The following PPP1R12B variants were observed in gnomAD, a reference collection of about 807,000 sequenced individuals.
PPP1R12B encodes the protein myosin phosphatase target subunit 2.
PPP1R12B carries 76 observed loss-of-function variants against 126.1 expected under a neutral mutation model. The observed-to-expected ratio is 0.60, with a 90% CI of 0.50 to 0.73. The LOEUF is 0.73. Ranked by LOEUF, PPP1R12B falls within the 30% of genes least tolerant of loss-of-function variation. PPP1R12B has a pLI of 0.00. For synonymous variants in PPP1R12B, 356 were observed against 434.7 expected (o/e 0.82, Z 2.25); for missense variants, 1,052 against 1,205.1 (o/e 0.87, Z 1.88).
At chr1:202,382,768 C>T (rs973950080) in intron 1 of PPP1R12B, among the ~76,000 whole-genome samples, 2 of 151,116 alleles carry the variant, frequency 1.3e-5, no homozygotes, top group African/African-American at 4.9e-5. Context: ...CCTAGCTGCT[C>T]GGGAGGCTGA....
chr1:202,359,408 C>T (rs1392753801), intron 1 of PPP1R12B, among the ~76,000 whole-genome samples: 2 of 152,004 alleles, frequency 1.3e-5, no homozygotes, highest in Non-Finnish European at 2.9e-5. Context: ...TTTGGGATTA[C>T]AGTCATGAGC....
At chr1:202,555,324 T>TAAAAA (rs1686776254) in intron 18 of PPP1R12B, among the ~76,000 whole-genome samples, 2 of 5,008 alleles carry the variant, frequency 4.0e-4, no homozygotes, top group African/African-American at 5.2e-4. Context: ...CCTGTTTTAA[T>TAAAAA]GAAAAAAAAA....
chr1:202,531,336 A>T (rs993022844), intron 18 of PPP1R12B, among the ~76,000 whole-genome samples: 16 of 152,308 alleles, frequency 1.1e-4, no homozygotes, highest in African/African-American at 3.6e-4. Context: ...TTAGTATGAG[A>T]TCAAAAATTA....
At chr1:202,429,377 A>G (rs1257496408) in intron 6 of PPP1R12B, among the ~76,000 whole-genome samples, 6 of 152,362 alleles carry the variant, frequency 3.9e-5, no homozygotes, top group African/African-American at 1.4e-4. Context: ...AATACACATA[A>G]TACTAAAACT....
chr1:202,509,443 A>T (rs1681185216), intron 18 of PPP1R12B, among the ~76,000 whole-genome samples: 1 of 152,212 alleles, frequency 6.6e-6, no homozygotes, highest in African/African-American at 2.4e-5. Context: ...TGGTTCTCCT[A>T]GCGTGTCCCT....
At chr1:202,452,230 A>T (rs1673074562) in intron 13 of PPP1R12B, among the ~76,000 whole-genome samples, 1 of 152,118 alleles carries the variant, frequency 6.6e-6, no homozygotes, top group Non-Finnish European at 1.5e-5. Flanking sequence ...GCGAGCCGAG[A>T]TCACGCCACT....
At chr1:202,432,347 C>A (rs531840511) in intron 8 of PPP1R12B, among the ~76,000 whole-genome samples, 73 of 151,980 alleles carry the variant, frequency 4.8e-4, no homozygotes, top group African/African-American at 1.6e-3. Flanking sequence ...CAGCTTACTG[C>A]AACCTCCGCC....
chr1:202,431,248 GTTC>G (rs1420102329), intron 7 of PPP1R12B, among the ~76,000 whole-genome samples: 1 of 152,210 alleles, frequency 6.6e-6, no homozygotes, highest in African/African-American at 2.4e-5. Context: ...AAAATTCATA[GTTC>G]TTCTTTTTTC....
At chr1:202,527,311 A>C (rs577995217) in intron 18 of PPP1R12B, 1 of 152,204 alleles carries the variant, frequency 6.6e-6, no homozygotes, top group African/African-American at 2.4e-5. Context: ...GGGAGAGAGA[A>C]GAGTCTTCAA....
intron 21 of PPP1R12B, among the ~76,000 whole-genome samples, chr1:202,567,056 C>T (rs1158525969): frequency 6.6e-6 from 1 of 152,158 alleles, no homozygotes; most frequent in Non-Finnish European, 1.5e-5. Context: ...GAGGCTAAGT[C>T]TTTTCAGCCC....
In PPP1R12B at chr1:202,565,617, C is replaced by T. The variant is rs1182638251; in HGVS notation, c.2757+1070C>T. Among the ~76,000 whole-genome samples, 1 of 152,180 alleles carries T rather than the reference C, an allele frequency of 6.6e-6. No individual in the cohort carries two copies. Among genetic ancestry groups the T allele is most frequent in the African/African-American group, 2.4e-5 (1 of 41,448 alleles). ...TCCAGCAAGACAGCCAGGACACTCA[C>T]TTTCTGGAGAAGGGCTTACCCAGGT... is the stretch of plus-strand genomic sequence containing the variant. On this transcript the variant is annotated intron_variant, in intron 21 of 23. Coordinates refer to ENST00000608999, the MANE Select transcript of PPP1R12B (RefSeq NM_002481.4). This position sits in a 1 kb window ranked among gnomAD's most constrained non-coding sequence, Gnocchi z 4.3.
intron 13 of PPP1R12B, among the ~76,000 whole-genome samples, chr1:202,478,043 C>T (rs994823410): frequency 1.3e-5 from 2 of 152,182 alleles, no homozygotes; most frequent in Non-Finnish European, 2.9e-5. Flanking sequence ...CTGTATCTGT[C>T]TTCTTTGCAT....
intron 13 of PPP1R12B, among the ~76,000 whole-genome samples, chr1:202,478,476 T>G (rs1429171804): frequency 6.6e-6 from 1 of 152,196 alleles, no homozygotes; most frequent in Non-Finnish European, 1.5e-5. Context: ...TCAAAAACAT[T>G]TACAGTTCAA....
At chr1:202,390,205 G>A (rs1171766197) in intron 1 of PPP1R12B, among the ~76,000 whole-genome samples, 2 of 152,110 alleles carry the variant, frequency 1.3e-5, no homozygotes, top group African/African-American at 4.8e-5. Context: ...TCAACAAATG[G>A]TACAGGGGGC....
At chr1:202,418,602 G>A (rs1450592957) in intron 2 of PPP1R12B, among the ~76,000 whole-genome samples, 4 of 152,100 alleles carry the variant, frequency 2.6e-5, no homozygotes, top group African/African-American at 7.2e-5. Context: ...ATCTGTGAGA[G>A]CTACTGTTTC....
chr1:202,449,236 A>G (rs757596116), intron 13 of PPP1R12B, 65 bp downstream of exon 13: 1 of 1,498,430 alleles, frequency 6.7e-7, no homozygotes, highest in African/African-American at 1.4e-5. Context: ...AGGAATGGGC[A>G]TAAAGTGTTT....
intron 1 of PPP1R12B, among the ~76,000 whole-genome samples, chr1:202,355,304 A>G (rs1656870908): frequency 6.6e-6 from 1 of 152,226 alleles, no homozygotes. Context: ...GTACTAGAGT[A>G]TATATGTGGT....
intron 22 of PPP1R12B, among the ~76,000 whole-genome samples, chr1:202,568,041 A>G (rs1159742275): frequency 6.6e-6 from 1 of 152,116 alleles, no homozygotes; most frequent in Non-Finnish European, 1.5e-5. Flanking sequence ...GATGGTCAGT[A>G]CTTTCCACAT....
intron 18 of PPP1R12B, among the ~76,000 whole-genome samples, chr1:202,505,691 A>G (rs1028710692): frequency 6.6e-6 from 1 of 152,222 alleles, no homozygotes; most frequent in Non-Finnish European, 1.5e-5. Flanking sequence ...AAGACATGGT[A>G]GGTGAGCTAT....
Sources: allele counts gnomAD v4.1 joint callset (sites outside exome capture counted in the v4.1 genomes callset), GRCh38; gene constraint gnomAD v4.1.1; non-coding constraint Gnocchi (gnomAD v3.1); transcripts MANE v1.5; gene names NCBI Gene and HGNC (gene_info 2026-07-23, HGNC 2026-07-21).